The following KALRN variants were observed in gnomAD, a reference collection of about 807,000 sequenced individuals.
KALRN encodes kalirin RhoGEF kinase.
A neutral mutation model predicts 353.7 loss-of-function variants in KALRN; 70 were observed. The ratio of observed to expected loss-of-function variants is 0.20; its 90% CI spans 0.16 to 0.24. The LOEUF is 0.24. KALRN is among the 10% of genes least tolerant of loss of function. KALRN has a pLI of 1.00. For synonymous variants in KALRN, 1,391 were observed against 1,434.8 expected, an observed-to-expected ratio of 0.97 and a Z score of 0.69; for missense variants, 2,791 against 3,756.7, an observed-to-expected ratio of 0.74 and a Z score of 6.72.
At chr3:124,210,476 G>T (rs1386065078) in intron 1 of KALRN, among the ~76,000 whole-genome samples, 1 of 152,164 alleles carries the variant, frequency 6.6e-6, no homozygotes, top group Admixed American at 6.5e-5. Context: ...CCTCTGGGAT[G>T]CTCCTTTCTT....
chr3:124,060,703 C>T lies in KALRN; in HGVS notation c.73+26890C>T, dbSNP rs556698115. Among the ~76,000 whole-genome samples, 13 of 152,336 alleles carry T rather than the reference C, an allele frequency of 8.5e-5. No individual in the cohort carries two copies. In the East Asian group the frequency reaches 2.5e-3, roughly 29 times the overall value. On this transcript the variant is annotated intron_variant, in intron 1 of 59. Coordinates refer to ENST00000682506, the MANE Select transcript of KALRN (RefSeq NM_001388419.1). ...GCAAGCACAGGGAAGTGCTAGCTAC[C>T]TGGATTGTGGGTGGGCAGGAGGCTT...
intron 8 of KALRN, among the ~76,000 whole-genome samples, chr3:124,330,275 CACACACACACA>C (rs1560583341): frequency 2.6e-5 from 4 of 151,516 alleles, no homozygotes; most frequent in African/African-American, 9.7e-5. Flanking sequence ...CACACACACA[CACACACACACA>C]CCCCATACAC....
At chr3:124,357,269 G>A (rs2083522036) in intron 10 of KALRN, among the ~76,000 whole-genome samples, 1 of 152,128 alleles carries the variant, frequency 6.6e-6, no homozygotes. Flanking sequence ...TTGGAATACT[G>A]CAATATCCTT....
intron 1 of KALRN, among the ~76,000 whole-genome samples, chr3:124,039,822 G>A (rs1050561463): frequency 2.0e-5 from 3 of 151,838 alleles, no homozygotes; most frequent in South Asian, 4.2e-4. Context: ...GTGTAAACAC[G>A]ATGCTTAATT....
intron 1 of KALRN, among the ~76,000 whole-genome samples, chr3:124,053,413 G>A (rs780895515): frequency 1.1e-4 from 16 of 152,262 alleles, no homozygotes; most frequent in Non-Finnish European, 1.9e-4. Context: ...GTTGATGTTG[G>A]GATTGAAGGA....
chr3:124,643,298 C>G (rs1204631766), intron 37 of KALRN, among the ~76,000 whole-genome samples: 1 of 151,918 alleles, frequency 6.6e-6, no homozygotes, highest in Non-Finnish European at 1.5e-5. Flanking sequence ...CAGGTGTGAG[C>G]CACCATGCCC....
intron 15 of KALRN, among the ~76,000 whole-genome samples, chr3:124,426,588 T>C (rs1260297669): frequency 7.9e-5 from 12 of 152,186 alleles, no homozygotes; most frequent in Non-Finnish European, 1.5e-4. Context: ...CAAATGAAAT[T>C]GATTGATGCA....
At chr3:124,660,698 GGAAA>G (rs954023944) in intron 43 of KALRN, among the ~76,000 whole-genome samples, 2 of 118,122 alleles carry the variant, frequency 1.7e-5, no homozygotes, top group African/African-American at 3.5e-5. Flanking sequence ...AAAAAAAAAA[GGAAA>G]GAAAGAAAGA....
chr3:124,172,196 G>A (rs2071936148), intron 1 of KALRN, among the ~76,000 whole-genome samples: 1 of 152,172 alleles, frequency 6.6e-6, no homozygotes, highest in South Asian at 2.1e-4. Flanking sequence ...TGAGCTCAAG[G>A]CCTCTCATTC....
At chr3:124,067,914 T>A (rs1295098615) in intron 1 of KALRN, among the ~76,000 whole-genome samples, 1 of 152,310 alleles carries the variant, frequency 6.6e-6, no homozygotes, top group East Asian at 1.9e-4. Flanking sequence ...CCTGACGTAG[T>A]CTTGTAACCA....
chr3:124,359,770 A>C (rs1012011292), intron 10 of KALRN, among the ~76,000 whole-genome samples: 1 of 152,202 alleles, frequency 6.6e-6, no homozygotes, highest in African/African-American at 2.4e-5. Context: ...AATGGTGATC[A>C]TGTTGGTGCT....
chr3:124,500,853 A>C (rs192533078), intron 33 of KALRN, among the ~76,000 whole-genome samples: 2 of 147,730 alleles, frequency 1.4e-5, no homozygotes, highest in East Asian at 3.9e-4. Flanking sequence ...CTATATGTGC[A>C]TTACTAAATG....
At chr3:124,557,982 A>G (rs577365673) in intron 33 of KALRN, among the ~76,000 whole-genome samples, 2 of 152,262 alleles carry the variant, frequency 1.3e-5, no homozygotes, top group South Asian at 2.1e-4. Context: ...CATTTTGCAT[A>G]AGGGATTCCT....
At chr3:124,071,699 G>A (rs1212988718) in intron 1 of KALRN, among the ~76,000 whole-genome samples, 1 of 152,146 alleles carries the variant, frequency 6.6e-6, no homozygotes, top group Non-Finnish European at 1.5e-5. Flanking sequence ...CATGATGAGG[G>A]GAGAAGCCCT....
intron 1 of KALRN, among the ~76,000 whole-genome samples, chr3:124,202,748 A>G (rs1035389651): frequency 3.3e-5 from 5 of 152,130 alleles, no homozygotes; most frequent in African/African-American, 1.2e-4. Context: ...CCCTTCCACC[A>G]TACTTTTGCT....
At chr3:124,305,898 A>C (rs1202988933) in intron 6 of KALRN, among the ~76,000 whole-genome samples, 4 of 152,194 alleles carry the variant, frequency 2.6e-5, no homozygotes, top group African/African-American at 9.7e-5. Context: ...GTACTAGAAA[A>C]AAAATAAAAA....
At chr3:124,144,858 C>T (rs1469420279) in intron 1 of KALRN, among the ~76,000 whole-genome samples, 1 of 152,140 alleles carries the variant, frequency 6.6e-6, no homozygotes, top group Non-Finnish European at 1.5e-5. Context: ...TGAAGGCTTC[C>T]AGGAAAACAA....
intron 1 of KALRN, among the ~76,000 whole-genome samples, chr3:124,186,904 A>C (rs2074296917): frequency 6.6e-6 from 1 of 152,106 alleles, no homozygotes. Flanking sequence ...CTTGTTTGCC[A>C]GTTGGGAGGA....
intron 3 of KALRN, among the ~76,000 whole-genome samples, chr3:124,244,523 G>A (rs972145159): frequency 3.9e-5 from 6 of 152,180 alleles, no homozygotes; most frequent in African/African-American, 1.4e-4. Context: ...AGGCGTGAGC[G>A]ACCGCGCCTG....
Sources: gnomAD v4.1 joint callset for allele counts (sites outside exome capture counted in the v4.1 genomes callset) on GRCh38, gnomAD v4.1.1 for gene constraint, MANE v1.5 for transcripts, NCBI Gene and HGNC (gene_info 2026-07-23, HGNC 2026-07-21) for gene names.